ART3: variants seen among roughly 807,000 people sequenced by gnomAD.
ART3 encodes the protein ADP-ribosyltransferase 3 (inactive), also known as ecto-ADP-ribosyltransferase 3.
ART3 carries 49 observed loss-of-function variants against 48.5 expected under a neutral mutation model. The observed-to-expected ratio is 1.01, with a 90% CI of 0.80 to 1.28. The LOEUF (loss-of-function observed/expected upper bound fraction) is 1.28, where lower values mean the gene tolerates loss of function less well. ART3 is among the 50% of genes most tolerant of loss of function. ART3 has a pLI of 0.00. For synonymous variants in ART3, 145 were observed against 157.2 expected, an observed-to-expected ratio of 0.92 and a Z score of 0.58; for missense variants, 438 against 454.3, an observed-to-expected ratio of 0.96 and a Z score of 0.33.
intron 3 of ART3, among the ~76,000 whole-genome samples, chr4:76,087,828 A>G (rs1465495731): frequency 1.3e-5 from 2 of 152,334 alleles, no homozygotes; most frequent in East Asian, 3.9e-4. Context: ...TCCTTCCTCA[A>G]TAGAAAATTA....
intron 1 of ART3, among the ~76,000 whole-genome samples, chr4:76,046,678 TAACTTTTTC>T (rs1735532364): frequency 6.6e-6 from 1 of 151,902 alleles, no homozygotes; most frequent in South Asian, 2.1e-4. Flanking sequence ...AGCAAATGGG[TAACTTTTTC>T]CCCATATTCA....
intron 10 of ART3, chr4:76,105,864 A>G (rs1728356816): frequency 1.0e-6 from 1 of 985,408 alleles, no homozygotes. Flanking sequence ...ATCTGTAGAC[A>G]TAGAAATAGC....
Position 76,099,458 on chromosome 4 carries a change from T to G in ART3, c.847+471T>G, listed in dbSNP as rs140433583. ...AGAACCTATTCTAGGGAAATATACC[T>G]TCCTCAAATAAGAGAATTGGCTTCG... On this transcript the variant is annotated intron_variant, in intron 5 of 11. Transcript: ENST00000355810. 2.8e-3 allele frequency: 491 copies of G among 178,088 alleles called. 9 individuals carry two copies. The East Asian group carries it at 0.057, about 21-fold the overall frequency. 11.0% of individuals were successfully genotyped at this position (178,088 alleles called of 1,614,324 possible).
chr4:76,022,942 G>A (rs1279768653), intron 1 of ART3: 2 of 910,762 alleles, frequency 2.2e-6, no homozygotes, highest in African/African-American at 1.7e-5. Flanking sequence ...AATCTGAGGA[G>A]GAATGGATCA....
intron 1 of ART3, among the ~76,000 whole-genome samples, chr4:76,026,157 T>C (rs1311207638): frequency 2.0e-5 from 3 of 151,862 alleles, no homozygotes; most frequent in Non-Finnish European, 4.4e-5. Context: ...ATGCTTTTCC[T>C]CCTGTTCGTC....
chr4:76,101,885 T>C (rs1727398576), intron 8 of ART3, among the ~76,000 whole-genome samples: 1 of 152,234 alleles, frequency 6.6e-6, no homozygotes, highest in Non-Finnish European at 1.5e-5. Context: ...TTAAAAATGT[T>C]TGTACCTTTT....
intron 1 of ART3, among the ~76,000 whole-genome samples, chr4:76,051,199 G>T (rs1736047532): frequency 6.6e-6 from 1 of 152,286 alleles, no homozygotes; most frequent in South Asian, 2.1e-4. Flanking sequence ...TGTGAGGACT[G>T]CCAGCACACT....
chr4:76,068,952 G>C (rs938202004), intron 1 of ART3, among the ~76,000 whole-genome samples: 1 of 152,170 alleles, frequency 6.6e-6, no homozygotes, highest in Non-Finnish European at 1.5e-5. Flanking sequence ...ACTGTGCATG[G>C]CTTAAATAGT....
chr4:76,103,829 C>CTTTT, intron 8 of ART3, 108 bp from the exon 9 acceptor site: 13 of 775,748 alleles, frequency 1.7e-5, no homozygotes, highest in Admixed American at 8.9e-5. Flanking sequence ...TTCCCCCTGC[C>CTTTT]TTTTTTTTTT....
chr4:76,069,435 G>A (rs962125750), intron 1 of ART3, among the ~76,000 whole-genome samples: 1 of 134,928 alleles, frequency 7.4e-6, no homozygotes, highest in African/African-American at 2.9e-5. Flanking sequence ...TATCACCCAG[G>A]CTGGAGTGCG....
At chr4:76,025,099 G>GA (rs909977343) in intron 1 of ART3, among the ~76,000 whole-genome samples, 1 of 152,206 alleles carries the variant, frequency 6.6e-6, no homozygotes, top group Non-Finnish European at 1.5e-5. Context: ...AAAGGCAAAA[G>GA]AGAGGGAGGT....
At chr4:76,015,583 A>G (rs1732183674) in intron 1 of ART3, among the ~76,000 whole-genome samples, 1 of 152,236 alleles carries the variant, frequency 6.6e-6, no homozygotes, top group African/African-American at 2.4e-5. Flanking sequence ...ATAACTTTAA[A>G]TGTAAATGAA....
upstream of ART3, among the ~76,000 whole-genome samples, chr4:76,070,125 C>A (rs1720162186): frequency 6.6e-6 from 1 of 152,166 alleles, no homozygotes; most frequent in African/African-American, 2.4e-5. Context: ...CTGCTGTGAA[C>A]ATTTGACAGG....
chr4:76,026,340 T>C (rs1733382505), intron 1 of ART3, among the ~76,000 whole-genome samples: 1 of 152,200 alleles, frequency 6.6e-6, no homozygotes, highest in African/African-American at 2.4e-5. Flanking sequence ...TGCTAAAATG[T>C]ATGCCCCAGG....
chr4:76,103,614 G>C (rs533311609), intron 8 of ART3, among the ~76,000 whole-genome samples: 1 of 152,026 alleles, frequency 6.6e-6, no homozygotes, highest in Non-Finnish European at 1.5e-5. Flanking sequence ...CTATAATTAC[G>C]ATAGAGCTAA....
Position 76,112,490 on chromosome 4 carries a change from T to C in ART3, c.1141T>C (p.Ser381Pro). 1 of 1,614,084 alleles carries C rather than the reference T, an allele frequency of 6.2e-7. No individual in the cohort carries two copies. Among genetic ancestry groups the C allele is most frequent in the East Asian group, 2.2e-5 (1 of 44,870 alleles). Residue 381 changes from serine to proline, a missense_variant, in exon 12 of 12, where the codon TCT (serine) becomes CCT (proline). Ser to Pro is a moderately conservative substitution (Grantham distance 74). Coordinates refer to ENST00000355810, the MANE Select transcript of ART3 (RefSeq NM_001130016.3). ...GATGGTCATCATTTTAATCAGTGTTTCTGCTATAAATCTCTTTGTTGCTCT... is the reference window on the plus strand; with the variant it reads ...GATGGTCATCATTTTAATCAGTGTTCCTGCTATAAATCTCTTTGTTGCTCT... ...FGMVIILISV[S>P]AINLFVAL
At chr4:76,051,894 CTCTCTTT>C (rs1205083129) in intron 1 of ART3, among the ~76,000 whole-genome samples, 5 of 111,216 alleles carry the variant, frequency 4.5e-5, no homozygotes, top group East Asian at 3.8e-4. Context: ...ATCTCTCTCT[CTCTCTTT>C]TTTTTTTTTT....
intron 1 of ART3, chr4:76,021,897 G>A (rs1274318637): frequency 3.1e-6 from 5 of 1,601,504 alleles, no homozygotes. Flanking sequence ...TCCATCCTTG[G>A]AAGCACTGCA....
chr4:76,025,418 T>C (rs1733287961), intron 1 of ART3, among the ~76,000 whole-genome samples: 7 of 152,214 alleles, frequency 4.6e-5, no homozygotes, highest in Admixed American at 3.9e-4. Context: ...AAAAAGGAGA[T>C]ACTTGATAAA....
Sources: gnomAD v4.1 joint callset for allele counts (sites outside exome capture counted in the v4.1 genomes callset) on GRCh38, gnomAD v4.1.1 for gene constraint, MANE v1.5 for transcripts, NCBI Gene and HGNC (gene_info 2026-07-23, HGNC 2026-07-21) for gene names.